Variants in SLC26A5 observed in about 807,000 individuals in gnomAD.
SLC26A5 encodes the protein solute carrier family 26 member 5, also known as prestin.
SLC26A5 carries 51 observed loss-of-function variants against 81.0 expected under a neutral mutation model. The observed-to-expected ratio is 0.63, with a 90% CI of 0.50 to 0.80. SLC26A5 has a LOEUF of 0.80. Ranked by LOEUF, SLC26A5 falls within the 30% of genes least tolerant of loss-of-function variation. The probability of loss-of-function intolerance (pLI) is 0.00; values close to 1 mark genes in which losing one functional copy is unlikely to be tolerated. For missense variants in SLC26A5, 771 were observed against 905.8 expected, an observed-to-expected ratio of 0.85 and a Z score of 1.91; for synonymous variants, 325 against 332.8, an observed-to-expected ratio of 0.98 and a Z score of 0.25.
intron 9 of SLC26A5, among the ~76,000 whole-genome samples, chr7:103,397,178 G>A (rs1423496892): frequency 1.3e-5 from 2 of 151,000 alleles, no homozygotes; most frequent in East Asian, 2.0e-4. Flanking sequence ...AAGCTGAGGC[G>A]GGCGGATCAC....
chr7:103,383,216 G>A (rs1044853151), intron 14 of SLC26A5, among the ~76,000 whole-genome samples: 3 of 152,226 alleles, frequency 2.0e-5, no homozygotes, highest in African/African-American at 7.2e-5. Context: ...GACTCAAAGT[G>A]CTGTCCATGT....
At chr7:103,432,596 T>C (rs1183738294) in intron 2 of SLC26A5, among the ~76,000 whole-genome samples, 6 of 152,244 alleles carry the variant, frequency 3.9e-5, no homozygotes, top group African/African-American at 1.4e-4. Flanking sequence ...TTTTCCCTTT[T>C]GTTTTCAATT....
At chr7:103,377,863 G>A in intron 17 of SLC26A5, 64 bp from the exon 18 acceptor site, 1 of 1,485,468 alleles carries the variant, frequency 6.7e-7, no homozygotes, top group Non-Finnish European at 9.3e-7. Context: ...TTGTGAGAAA[G>A]ATTTATAATG....
chr7:103,370,928 T>G (rs1331361008), downstream of SLC26A5, among the ~76,000 whole-genome samples: 2 of 152,242 alleles, frequency 1.3e-5, no homozygotes, highest in Non-Finnish European at 2.9e-5. Context: ...ATTATGTAGA[T>G]TATGCCCATT....
chr7:103,377,605 CAG>C lies in SLC26A5; in HGVS notation c.1978_1979del (p.Leu660GlyfsTer26). 5 of 1,614,030 alleles carry C rather than the reference CAG, an allele frequency of 3.1e-6. No homozygotes were observed. The highest frequency in any genetic ancestry group is 4.2e-6 in the Non-Finnish European group (5 of 1,179,960). On this transcript the variant is annotated frameshift_variant, in exon 18 of 20. Coordinates refer to ENST00000306312, the MANE Select transcript of SLC26A5 (RefSeq NM_198999.3). LOFTEE classifies it high-confidence loss of function. The part of the protein sequence containing the change: ...NFIDSVGVKT[L>X]AGIVKEYGDV... ...CGTTCAAGAGGATGCTTACCCCTGC[CAG>C]AGTTTTCACTCCAACAGAATCAATA...
chr7:103,362,794 C>CTTTT (rs368268286), intron 19 of SLC26A5: 182 of 839,766 alleles, frequency 2.2e-4, no homozygotes, highest in African/African-American at 1.2e-3. Context: ...AAGGCTATGT[C>CTTTT]TTTTTTTTTT....
intron 19 of SLC26A5, among the ~76,000 whole-genome samples, chr7:103,365,119 A>G (rs1447873239): frequency 6.6e-6 from 1 of 151,860 alleles, no homozygotes. Context: ...TTGCAAGTCA[A>G]ATTCAATGAT....
At chr7:103,368,598 C>T (rs1445709713) in intron 19 of SLC26A5, 1 of 152,014 alleles carries the variant, frequency 6.6e-6, no homozygotes, top group Admixed American at 6.5e-5. Flanking sequence ...TTGGCCAAAG[C>T]TTTTTTAAAG....
At chr7:103,426,180 AAG>A (rs1226924225) in intron 2 of SLC26A5, among the ~76,000 whole-genome samples, 4 of 152,212 alleles carry the variant, frequency 2.6e-5, no homozygotes, top group South Asian at 2.1e-4. Flanking sequence ...CTCACAACAA[AAG>A]AGAGTTGTGC....
intron 19 of SLC26A5, chr7:103,366,049 G>A: frequency 6.4e-7 from 1 of 1,563,282 alleles, no homozygotes; most frequent in Non-Finnish European, 8.7e-7. Flanking sequence ...AACCAATTTT[G>A]AATTAATAAA....
At position 103,413,112 on chromosome 7, in the gene SLC26A5, C is replaced by G. The variant is rs187694846; in HGVS notation, c.293G>C (p.Gly98Ala). ...AGCTGCCAGCATTGCAAAGGCTAAG[C>G]CTGTGGGATTAAAAACCAAACAGAA... is the stretch of plus-strand genomic sequence containing the variant. ...ISTGVLQLPQ[G>A]LAFAMLAAVP... Residue 98 changes from glycine to alanine, a missense_variant and splice_region_variant, in exon 5 of 20, where the codon GGC (glycine) becomes GCC (alanine). Transcript: ENST00000306312. 8 of 1,609,168 alleles carry G rather than the reference C, an allele frequency of 5.0e-6. No homozygotes were observed. The highest frequency in any genetic ancestry group is 1.1e-5 in the South Asian group (1 of 90,936).
chr7:103,398,279 A>T (rs1274058506), intron 8 of SLC26A5, among the ~76,000 whole-genome samples: 1 of 152,146 alleles, frequency 6.6e-6, no homozygotes, highest in African/African-American at 2.4e-5. Context: ...TGGCTAGTTG[A>T]CTGCTACAGA....
At chr7:103,396,908 A>G (rs1045347126) in intron 9 of SLC26A5, among the ~76,000 whole-genome samples, 8 of 151,812 alleles carry the variant, frequency 5.3e-5, no homozygotes, top group Admixed American at 5.2e-4. Flanking sequence ...CAGCCTGGCC[A>G]ACATAGTGAA....
At chr7:103,430,173 G>A (rs1825972164) in intron 2 of SLC26A5, among the ~76,000 whole-genome samples, 2 of 151,330 alleles carry the variant, frequency 1.3e-5, no homozygotes, top group African/African-American at 4.9e-5. Context: ...CTGCCTCCTG[G>A]GTTCAAGCGA....
intron 17 of SLC26A5, 134 bp from the exon 18 acceptor site, chr7:103,377,933 G>A: frequency 1.2e-6 from 1 of 821,412 alleles, no homozygotes; most frequent in Non-Finnish European, 2.0e-6. Context: ...TAAAATATTT[G>A]TCATATTCTA....
chr7:103,420,961 T>C, intron 3 of SLC26A5, 84 bp from the exon 4 acceptor site: 9 of 1,448,336 alleles, frequency 6.2e-6, no homozygotes, highest in Non-Finnish European at 7.7e-6. Flanking sequence ...TTCCCTTCCT[T>C]ATTCCCAGGA....
rs745542545 is a variant in SLC26A5, at chr7:103,362,503, C to G, written c.2042-9577G>C. 2.1e-6 allele frequency: 3 copies of G among 1,406,676 alleles called. No homozygotes were observed. In the East Asian group the frequency reaches 8.1e-5, roughly 38 times the overall value. The allele number at this position is 1,406,676 out of a possible 1,614,324, so 87.1% of individuals were successfully genotyped here. ...TGATTGCTGTTGGATAGGTTGTTTG[C>G]GACATTAGACATGTAGTTTAGTATC... On this transcript the variant is annotated intron_variant, in intron 19 of 19. Transcript: ENST00000339444.
At position 103,367,727 on chromosome 7, in the gene SLC26A5, A is replaced by T; in HGVS notation, c.2041+9081T>A. On this transcript the variant is annotated intron_variant, in intron 19 of 19. Transcript: ENST00000339444. This position sits in a 1 kb window ranked among gnomAD's most constrained non-coding sequence, Gnocchi z 6.1. ...CTCATTTTTAGGGTCGGACCCACAT[A>T]TTTAAGATTCACGCTCGTTCAATGA... is the stretch of plus-strand genomic sequence containing the variant. 6.2e-7 allele frequency: 1 copy of T among 1,613,592 alleles called. No individual in the cohort carries two copies. The highest frequency in any genetic ancestry group is 1.1e-5 in the South Asian group (1 of 90,930).
rs199574709 is a variant in SLC26A5, at chr7:103,433,272, C to A, written c.-54+9811G>T. 6.6e-5 allele frequency among the ~76,000 whole-genome samples: 10 copies of A among 152,212 alleles called. No individual in the cohort carries two copies. The East Asian group carries it at 1.9e-3, about 29-fold the overall frequency. ...ATGGCTTGGGCTGCATGTAGGATTT[C>A]TTATTATTATTGTTCTTTTTTAAAC... On this transcript the variant is annotated intron_variant, in intron 2 of 19. Transcript: ENST00000306312.
Sources: gnomAD v4.1 joint callset for allele counts (sites outside exome capture counted in the v4.1 genomes callset) on GRCh38, gnomAD v4.1.1 for gene constraint, Gnocchi (gnomAD v3.1) non-coding constraint, MANE v1.5 for transcripts, NCBI Gene and HGNC (gene_info 2026-07-23, HGNC 2026-07-21) for gene names.